Variants in KCND2 observed in about 807,000 individuals in gnomAD.
KCND2 encodes potassium voltage-gated channel subfamily D member 2, also known as A-type voltage-gated potassium channel KCND2.
Under a neutral mutation model 54.4 loss-of-function variants are expected in KCND2, and 16 were observed. The ratio of observed to expected loss-of-function variants is 0.29; its 90% CI spans 0.20 to 0.45. The LOEUF (loss-of-function observed/expected upper bound fraction) is 0.45, where lower values mean the gene tolerates loss of function less well. Among genes scored for constraint, KCND2 ranks in the 20% least tolerant of loss-of-function variants. The pLI is 1.00. For synonymous variants in KCND2, 317 were observed against 310.7 expected, an observed-to-expected ratio of 1.02 and a Z score of -0.21; for missense variants, 486 against 824.2, an observed-to-expected ratio of 0.59 and a Z score of 5.02.
chr7:120,375,682 G>A (rs57378289), intron 1 of KCND2, among the ~76,000 whole-genome samples: 5,068 of 151,742 alleles, frequency 0.033, 270 homozygotes, highest in African/African-American at 0.11. Context: ...CCATTCTCTG[G>A]CATTTGAAAA....
chr7:120,446,067 A>G (rs1361039009), intron 1 of KCND2, among the ~76,000 whole-genome samples: 2 of 152,150 alleles, frequency 1.3e-5, no homozygotes, highest in South Asian at 2.1e-4. Context: ...CAATTTATTC[A>G]TATATCACTC....
At chr7:120,585,831 G>A (rs1375181041) in intron 1 of KCND2, among the ~76,000 whole-genome samples, 1 of 152,106 alleles carries the variant, frequency 6.6e-6, no homozygotes, top group Non-Finnish European at 1.5e-5. Context: ...TCCTGTAAAT[G>A]ATCATCTCTA....
At chr7:120,572,436 TG>T (rs1792377731) in intron 1 of KCND2, among the ~76,000 whole-genome samples, 1 of 152,188 alleles carries the variant, frequency 6.6e-6, no homozygotes, top group African/African-American at 2.4e-5. Context: ...AAATGCCTTA[TG>T]CGTATGTCAG....
At chr7:120,670,769 C>T (rs941245907) in intron 1 of KCND2, among the ~76,000 whole-genome samples, 1 of 151,638 alleles carries the variant, frequency 6.6e-6, no homozygotes, top group Non-Finnish European at 1.5e-5. Flanking sequence ...ACAAAAAATT[C>T]GCCAGGCGTG....
intron 1 of KCND2, among the ~76,000 whole-genome samples, chr7:120,356,725 A>C (rs1800511664): frequency 6.6e-6 from 1 of 152,068 alleles, no homozygotes; most frequent in East Asian, 1.9e-4. Context: ...AACTTCTTGG[A>C]TTTTTTTATC....
At chr7:120,408,729 A>G (rs1304902817) in intron 1 of KCND2, among the ~76,000 whole-genome samples, 6 of 151,676 alleles carry the variant, frequency 4.0e-5, no homozygotes, top group African/African-American at 7.3e-5. Context: ...ACAGAATCCA[A>G]TGTTCTTACT....
At chr7:120,414,150 G>T (rs886181633) in intron 1 of KCND2, among the ~76,000 whole-genome samples, 1 of 151,852 alleles carries the variant, frequency 6.6e-6, no homozygotes, top group African/African-American at 2.4e-5. Flanking sequence ...TTTTGAGAAT[G>T]GTATAAGTGT....
chr7:120,493,648 G>A (rs558265325), intron 1 of KCND2, among the ~76,000 whole-genome samples: 17 of 152,034 alleles, frequency 1.1e-4, no homozygotes, highest in Non-Finnish European at 2.2e-4. Context: ...AAAAGAATAC[G>A]AATTAAGATC....
At chr7:120,410,158 T>G (rs1334647167) in intron 1 of KCND2, among the ~76,000 whole-genome samples, 2 of 151,962 alleles carry the variant, frequency 1.3e-5, no homozygotes, top group African/African-American at 2.4e-5. Context: ...CTTTTTTTAT[T>G]AAGCATACAT....
At chr7:120,455,192 A>C (rs902001540) in intron 1 of KCND2, among the ~76,000 whole-genome samples, 2 of 152,326 alleles carry the variant, frequency 1.3e-5, no homozygotes, top group African/African-American at 4.8e-5. Flanking sequence ...AAAATTTTAA[A>C]ATTTATGTAG....
chr7:120,351,406 A>ACTCTCTCT (rs1392140980), intron 1 of KCND2, among the ~76,000 whole-genome samples: 4 of 123,472 alleles, frequency 3.2e-5, no homozygotes, highest in African/African-American at 1.0e-4. Context: ...ACACACACAC[A>ACTCTCTCT]CACACACTCT....
chr7:120,680,722 C>T (rs1792128802), intron 1 of KCND2, among the ~76,000 whole-genome samples: 1 of 152,052 alleles, frequency 6.6e-6, no homozygotes, highest in Non-Finnish European at 1.5e-5. Flanking sequence ...TATATAAGCT[C>T]TTTGGGAGAA....
At chr7:120,411,486 C>A (rs1801448026) in intron 1 of KCND2, among the ~76,000 whole-genome samples, 1 of 151,672 alleles carries the variant, frequency 6.6e-6, no homozygotes. Context: ...CTATAGTTTT[C>A]TATCAAATTA....
At chr7:120,678,769 T>C (rs2116585610) in intron 1 of KCND2, among the ~76,000 whole-genome samples, 1 of 126,930 alleles carries the variant, frequency 7.9e-6, no homozygotes, top group Non-Finnish European at 1.6e-5. Flanking sequence ...TATATATATA[T>C]ATATATATAC....
intron 1 of KCND2, among the ~76,000 whole-genome samples, chr7:120,283,894 T>G (rs1356958642): frequency 6.6e-6 from 1 of 152,152 alleles, no homozygotes; most frequent in Non-Finnish European, 1.5e-5. Flanking sequence ...CTGTGAAGAT[T>G]GCCATAGGAT....
intron 1 of KCND2, among the ~76,000 whole-genome samples, chr7:120,419,255 C>T (rs1325395220): frequency 6.6e-6 from 1 of 152,052 alleles, no homozygotes; most frequent in Non-Finnish European, 1.5e-5. Flanking sequence ...CGGCTTTATC[C>T]TCCTCCATTC....
chr7:120,565,003 G>A (rs956968111), intron 1 of KCND2, among the ~76,000 whole-genome samples: 5 of 151,996 alleles, frequency 3.3e-5, no homozygotes, highest in African/African-American at 1.2e-4. Context: ...GTAGGGAAGG[G>A]GATTCTCATT....
At chr7:120,693,200 G>A (rs1792292967) in intron 1 of KCND2, among the ~76,000 whole-genome samples, 1 of 152,050 alleles carries the variant, frequency 6.6e-6, no homozygotes, top group African/African-American at 2.4e-5. Context: ...CATTTTCTGA[G>A]TTCTACTCTA....
chr7:120,613,095 T>A (rs1451506587), intron 1 of KCND2, among the ~76,000 whole-genome samples: 1 of 152,086 alleles, frequency 6.6e-6, no homozygotes, highest in Non-Finnish European at 1.5e-5. Context: ...TTTTTTTTTT[T>A]TTTTTCTGGT....
Sources: allele counts gnomAD v4.1 joint callset (sites outside exome capture counted in the v4.1 genomes callset), GRCh38; gene constraint gnomAD v4.1.1; transcripts MANE v1.5; gene names NCBI Gene and HGNC (gene_info 2026-07-23, HGNC 2026-07-21).